The following USP28 variants were observed in gnomAD, a reference collection of about 807,000 sequenced individuals.
The protein encoded by USP28 is ubiquitin carboxyl-terminal hydrolase 28.
USP28 carries 113 observed loss-of-function variants against 145.0 expected under a neutral mutation model. That is an observed-to-expected ratio of 0.78 (90% confidence interval 0.67 to 0.91). The LOEUF is 0.91. USP28 is among the 40% of genes least tolerant of loss of function. The pLI, the probability that USP28 is intolerant of heterozygous loss-of-function variation, is 0.00. For missense variants in USP28, 1,201 were observed against 1,289.6 expected, an observed-to-expected ratio of 0.93 and a Z score of 1.05; for synonymous variants, 447 against 450.9, an observed-to-expected ratio of 0.99 and a Z score of 0.11.
chr11:113,797,983 A>T (rs1236260490), exon 25 of USP28: 1 of 152,272 alleles, frequency 6.6e-6, no homozygotes, highest in Non-Finnish European at 1.5e-5. Flanking sequence ...CACAATATCC[A>T]ATCAGAAGCC....
At chr11:113,822,189 C>A (rs369888888) in intron 12 of USP28, among the ~76,000 whole-genome samples, 1 of 152,222 alleles carries the variant, frequency 6.6e-6, no homozygotes, top group South Asian at 2.1e-4. Flanking sequence ...CAGCGGCTCA[C>A]GCCTATAATC....
chr11:113,867,819 GA>G, intron 1 of USP28, among the ~76,000 whole-genome samples: 1 of 128,410 alleles, frequency 7.8e-6, no homozygotes, highest in African/African-American at 2.9e-5. Flanking sequence ...GGGAGGGAGG[GA>G]GGAAGGGAGG....
chr11:113,814,039 T>C (rs1941368685), intron 14 of USP28, 84 bp from the exon 15 acceptor site: 1 of 986,984 alleles, frequency 1.0e-6, no homozygotes, highest in Non-Finnish European at 1.5e-6. Context: ...GCAAAGAATA[T>C]TGCTAGGGTC....
At chr11:113,864,394 G>A (rs1771945190) in intron 1 of USP28, among the ~76,000 whole-genome samples, 1 of 152,172 alleles carries the variant, frequency 6.6e-6, no homozygotes, top group Non-Finnish European at 1.5e-5. Flanking sequence ...TTATTATAAG[G>A]AATTGGCTCA....
chr11:113,858,651 C>T (rs1337431699), intron 1 of USP28, among the ~76,000 whole-genome samples: 1 of 152,086 alleles, frequency 6.6e-6, no homozygotes, highest in East Asian at 1.9e-4. Context: ...TTGCTGTCAC[C>T]CAGGCTGGAG....
intron 1 of USP28, chr11:113,875,024 G>T: frequency 1.5e-6 from 1 of 683,612 alleles, no homozygotes; most frequent in Non-Finnish European, 1.8e-6. Flanking sequence ...GATAACTTCG[G>T]TCTGCTTTAA....
intron 23 of USP28, among the ~76,000 whole-genome samples, chr11:113,802,867 C>A (rs1354449666): frequency 1.3e-5 from 2 of 152,066 alleles, no homozygotes; most frequent in Non-Finnish European, 1.5e-5. Flanking sequence ...GAATTTACAA[C>A]CTAGTAGGAA....
At chr11:113,875,396 C>A in intron 1 of USP28, 49 bp downstream of exon 1, 2 of 1,208,172 alleles carry the variant, frequency 1.7e-6, no homozygotes, top group South Asian at 2.8e-5. Context: ...ACGCTCCCCT[C>A]AGGGCCTGGA....
chr11:113,804,422 C>G (rs1436924779), intron 21 of USP28, among the ~76,000 whole-genome samples: 1 of 152,124 alleles, frequency 6.6e-6, no homozygotes, highest in African/African-American at 2.4e-5. Context: ...ATTTTACTGC[C>G]TAGGACAAGG....
At chr11:113,804,586 T>C (rs1014347364) in intron 21 of USP28, 87 bp downstream of exon 22, 155 of 1,201,436 alleles carry the variant, frequency 1.3e-4, no homozygotes, top group Middle Eastern at 4.5e-4. Flanking sequence ...CAGTTTGTAA[T>C]AGCACAAAAT....
At chr11:113,852,792 T>C (rs888744637) in intron 2 of USP28, among the ~76,000 whole-genome samples, 159 bp from the exon 3 acceptor site, 2 of 152,290 alleles carry the variant, frequency 1.3e-5, no homozygotes, top group South Asian at 2.1e-4. Context: ...TCTAATGTGC[T>C]TGAAGCGTCT....
exon 17 of USP28, chr11:113,809,174 T>A (rs1381186363): frequency 6.2e-7 from 1 of 1,614,112 alleles, no homozygotes; most frequent in Non-Finnish European, 8.5e-7. Context: ...AACCGCCAGT[T>A]ATCCTCCTGA....
At chr11:113,808,642 C>T (rs930125378) in intron 17 of USP28, among the ~76,000 whole-genome samples, 6 of 152,144 alleles carry the variant, frequency 3.9e-5, no homozygotes, top group East Asian at 3.9e-4. Context: ...AGTCTGTAAA[C>T]TTTGAACCCA....
chr11:113,806,426 A>G (rs1939971450), intron 19 of USP28, 63 bp downstream of exon 20: 2 of 1,415,132 alleles, frequency 1.4e-6, no homozygotes, highest in African/African-American at 1.4e-5. Flanking sequence ...CTTCTTATAG[A>G]ATTATTTCCC....
chr11:113,818,983 A>G (rs1942183517), intron 12 of USP28, among the ~76,000 whole-genome samples: 1 of 152,012 alleles, frequency 6.6e-6, no homozygotes, highest in Non-Finnish European at 1.5e-5. Flanking sequence ...TACAATGTAC[A>G]CCTCTATCAG....
At chr11:113,871,101 C>G (rs1000009709) in intron 1 of USP28, among the ~76,000 whole-genome samples, 5 of 152,282 alleles carry the variant, frequency 3.3e-5, no homozygotes, top group South Asian at 2.1e-4. Context: ...TGCTGATTGG[C>G]AGTGTATGCT....
chr11:113,869,433 AT>A (rs1261975081), intron 1 of USP28, among the ~76,000 whole-genome samples: 1 of 152,148 alleles, frequency 6.6e-6, no homozygotes, highest in Non-Finnish European at 1.5e-5. Flanking sequence ...GTCTCAAAAA[AT>A]AAAATAAAAC....
intron 20 of USP28, 50 bp from the exon 22 acceptor site, chr11:113,804,801 T>G: frequency 6.2e-7 from 1 of 1,611,700 alleles, no homozygotes; most frequent in Non-Finnish European, 8.5e-7. Context: ...GGGCAAAACT[T>G]CCCCAACAGA....
intron 1 of USP28, chr11:113,874,729 C>T (rs1267330331): frequency 8.5e-7 from 1 of 1,180,760 alleles, no homozygotes. Flanking sequence ...CAGACATTAG[C>T]TTTTCTCTCA....
Sources: allele counts gnomAD v4.1 joint callset (sites outside exome capture counted in the v4.1 genomes callset), GRCh38; gene constraint gnomAD v4.1.1; transcripts MANE v1.5; gene names NCBI Gene and HGNC (gene_info 2026-07-23, HGNC 2026-07-21).